Variants in ARHGEF4 observed in about 807,000 individuals in gnomAD.
ARHGEF4 encodes Rho guanine nucleotide exchange factor 4.
ARHGEF4 carries 119 observed loss-of-function variants against 162.0 expected under a neutral mutation model. The ratio of observed to expected loss-of-function variants is 0.73; its 90% CI spans 0.63 to 0.86. ARHGEF4 has a LOEUF of 0.86. Ranked by LOEUF, ARHGEF4 falls within the 40% of genes least tolerant of loss-of-function variation. ARHGEF4 has a pLI of 0.00. For missense variants in ARHGEF4, 2,488 were observed against 2,456.0 expected (o/e 1.01, Z -0.28); for synonymous variants, 1,014 against 979.9 (o/e 1.03, Z -0.65).
chr2:131,039,330 C>A (rs1690574811), intron 6 of ARHGEF4: 2 of 1,198,264 alleles, frequency 1.7e-6, no homozygotes, highest in Non-Finnish European at 2.1e-6. Flanking sequence ...ATTTCCCAAG[C>A]CCTGAAGAGC....
intron 1 of ARHGEF4, among the ~76,000 whole-genome samples, chr2:130,902,184 A>G (rs1396384098): frequency 1.3e-5 from 2 of 152,172 alleles, no homozygotes; most frequent in Non-Finnish European, 2.9e-5. Context: ...TCTATAAATT[A>G]AAATTCTGTG....
chr2:130,948,254 G>A (rs1157940567), intron 4 of ARHGEF4, among the ~76,000 whole-genome samples: 2 of 152,206 alleles, frequency 1.3e-5, no homozygotes, highest in Admixed American at 6.5e-5. Context: ...ATTAGCTGGT[G>A]GATGTGGTGG....
chr2:131,042,944 G>C (rs1209698994), intron 10 of ARHGEF4, among the ~76,000 whole-genome samples: 1 of 152,196 alleles, frequency 6.6e-6, no homozygotes, highest in Admixed American at 6.5e-5. Flanking sequence ...GTGAATCCCA[G>C]ACAGGCCTAA....
intron 4 of ARHGEF4, among the ~76,000 whole-genome samples, chr2:131,003,330 A>G (rs1687903991): frequency 6.6e-6 from 1 of 152,226 alleles, no homozygotes; most frequent in Non-Finnish European, 1.5e-5. Flanking sequence ...TATGAAGTGA[A>G]ATGATCTACA....
intron 4 of ARHGEF4, among the ~76,000 whole-genome samples, chr2:131,020,636 G>C: frequency 6.6e-6 from 1 of 152,092 alleles, no homozygotes; most frequent in Non-Finnish European, 1.5e-5. Context: ...ATTGTGAATA[G>C]TGCTGCAATA....
intron 3 of ARHGEF4, among the ~76,000 whole-genome samples, chr2:130,937,111 A>C (rs937031949): frequency 6.6e-6 from 1 of 150,886 alleles, no homozygotes; most frequent in South Asian, 2.1e-4. Context: ...GGGTTTCTCC[A>C]TGTTGGTCAG....
intron 1 of ARHGEF4, among the ~76,000 whole-genome samples, chr2:130,909,932 A>G (rs1395950246): frequency 1.3e-5 from 2 of 152,226 alleles, no homozygotes; most frequent in Non-Finnish European, 2.9e-5. Context: ...CCCAGGACAA[A>G]AAAAGAAGGA....
chr2:130,926,048 C>CTTTCTTTCTTTCTTTCTCTCTCTCTCTT, intron 2 of ARHGEF4, among the ~76,000 whole-genome samples: 33 of 53,458 alleles, frequency 6.2e-4, no homozygotes, highest in African/African-American at 1.7e-3. Flanking sequence ...TTCTTTCTTT[C>CTTTCTTTCTTTCTTTCTCTCTCTCTCTT]TCTTTCTTTC....
At chr2:130,838,198 G>A (rs1680339465) in intron 1 of ARHGEF4, among the ~76,000 whole-genome samples, 1 of 152,366 alleles carries the variant, frequency 6.6e-6, no homozygotes, top group Non-Finnish European at 1.5e-5. Context: ...TTGAGGAGGT[G>A]TACAATCTTG....
At chr2:130,942,245 G>T (rs1468075632) in intron 3 of ARHGEF4, among the ~76,000 whole-genome samples, 1 of 151,068 alleles carries the variant, frequency 6.6e-6, no homozygotes, top group East Asian at 1.9e-4. Flanking sequence ...CTCCTCCCGG[G>T]TTCATGCCAT....
Position 130,915,805 on chromosome 2 carries a change from C to T in ARHGEF4, c.1859C>T (p.Ala620Val), listed in dbSNP as rs1304027073. 14 of 1,523,882 alleles carry T rather than the reference C, an allele frequency of 9.2e-6. No homozygotes were observed. The South Asian group carries it at 1.8e-4, about 19-fold the overall frequency. 94.4% of individuals were successfully genotyped at this position (1,523,882 alleles called of 1,614,324 possible). Residue 620 changes from alanine to valine, a missense_variant, in exon 2 of 14, where the codon GCA (alanine) becomes GTA (valine). Around this residue, in one of 6 missense-constraint regions of ARHGEF4, gnomAD observed 1,642 missense variants for 1,481.5 expected, o/e 1.11. Coordinates refer to ENST00000409359, the MANE Select transcript of ARHGEF4 (RefSeq NM_001367493.1). Reference sequence around the variant, plus strand: ...GGGGGCCGGCAGCTGGAGCCCAAAGCAGGCGGCGAGGCCTCGAGGGGCAGG... The same window carrying T: ...GGGGGCCGGCAGCTGGAGCCCAAAGTAGGCGGCGAGGCCTCGAGGGGCAGG... The part of the protein sequence containing the change: ...GAGGRQLEPK[A>V]GGEASRGRGA...
In ARHGEF4 at chr2:131,046,058, C is replaced by T; in HGVS notation, c.5500C>T (p.Leu1834=). 1.9e-6 allele frequency: 3 copies of T among 1,612,008 alleles called. No individual in the cohort carries two copies. Among genetic ancestry groups the T allele is most frequent in the Non-Finnish European group, 2.5e-6 (3 of 1,179,218 alleles). ...KPKAVGRPCY[L]TRQKHPALPS... is the part of the protein sequence containing the mutation. ...TTCAGCTGTTGGCCGGCCCTGCTAC[C>T]TGACGCGCCAGAAGCACCCAGCCCT... Residue 1834 remains leucine, a synonymous_variant, in exon 14 of 14, where the codon CTG becomes TTG. Transcript: ENST00000409359.
At chr2:130,975,377 CCA>C (rs1685637580) in intron 4 of ARHGEF4, among the ~76,000 whole-genome samples, 1 of 152,150 alleles carries the variant, frequency 6.6e-6, no homozygotes, top group African/African-American at 2.4e-5. Flanking sequence ...CAGATGCAAA[CCA>C]CCAGGCCACA....
At chr2:130,986,697 G>A (rs780630822) in intron 4 of ARHGEF4, among the ~76,000 whole-genome samples, 58 of 152,292 alleles carry the variant, frequency 3.8e-4, no homozygotes, top group Non-Finnish European at 7.4e-4. Flanking sequence ...ATGAAGAGTC[G>A]CCCTAAGCAA....
At chr2:130,934,166 C>T (rs140477628) in intron 3 of ARHGEF4, among the ~76,000 whole-genome samples, 39 of 152,244 alleles carry the variant, frequency 2.6e-4, no homozygotes, top group African/African-American at 8.4e-4. Context: ...ATTTTGATGA[C>T]GGTTTTTCTG....
In ARHGEF4 at chr2:130,914,523, G is replaced by A; in HGVS notation, c.577G>A (p.Gly193Ser). The A allele has an allele frequency of 7.0e-7, 1 of 1,426,388 alleles. No homozygotes were observed. The highest frequency in any genetic ancestry group is 1.6e-5 in the South Asian group (1 of 64,262). The allele number at this position is 1,426,388 out of a possible 1,614,324, so 88.4% of individuals were successfully genotyped here. A position where few individuals can be genotyped will look rare whatever the true frequency, so the allele number is the denominator to read the frequency against. The change falls in exon 2 of 14, where the codon GGT (glycine) becomes AGT (serine). Residue 193 changes from glycine to serine, a missense_variant. Around this residue, in one of 6 missense-constraint regions of ARHGEF4, gnomAD observed 81 missense variants for 125.8 expected, o/e 0.64. Coordinates refer to ENST00000409359, the MANE Select transcript of ARHGEF4 (RefSeq NM_001367493.1). ...CCLQRATDSS[G>S]PEPVQGVAVQ... The stretch of plus-strand genomic sequence containing the variant: ...CTTACAGAGGGCCACAGACAGCAGT[G>A]GTCCTGAGCCAGTACAGGGGGTGGC...
intron 4 of ARHGEF4, among the ~76,000 whole-genome samples, chr2:131,021,624 A>C (rs1689142537): frequency 6.6e-6 from 1 of 152,250 alleles, no homozygotes; most frequent in South Asian, 2.1e-4. Context: ...GCCAAAATTG[A>C]CAAATGGGAT....
chr2:130,946,854 G>A, intron 4 of ARHGEF4: 1 of 489,652 alleles, frequency 2.0e-6, no homozygotes, highest in East Asian at 4.7e-5. Flanking sequence ...TGTAATCCCA[G>A]CACTTTGAGA....
At chr2:130,837,580 G>A in intron 1 of ARHGEF4, 1 of 448,978 alleles carries the variant, frequency 2.2e-6, no homozygotes, top group Non-Finnish European at 4.5e-6. Context: ...CTCACCATCC[G>A]GGACCCACTC....
Sources: allele counts gnomAD v4.1 joint callset (sites outside exome capture counted in the v4.1 genomes callset), GRCh38; gene constraint gnomAD v4.1.1; regional missense constraint gnomAD v4.1.1; transcripts MANE v1.5; gene names NCBI Gene and HGNC (gene_info 2026-07-23, HGNC 2026-07-21).